The following SCFD2 variants were observed in gnomAD, a reference collection of about 807,000 sequenced individuals.
The protein encoded by SCFD2 is sec1 family domain-containing protein 2.
In SCFD2, 54 loss-of-function variants were observed where a neutral mutation model predicts 58.9. The observed-to-expected ratio is 0.92, with a 90% CI of 0.74 to 1.15. The LOEUF (loss-of-function observed/expected upper bound fraction) is 1.15, where lower values mean the gene tolerates loss of function less well. SCFD2 is among the 50% of genes most tolerant of loss of function. The pLI is 0.00. For missense variants in SCFD2, 805 were observed against 836.6 expected, an observed-to-expected ratio of 0.96 and a Z score of 0.47; for synonymous variants, 321 against 335.9, an observed-to-expected ratio of 0.96 and a Z score of 0.49.
At chr4:53,168,675 T>C (rs1224001682) in intron 4 of SCFD2, among the ~76,000 whole-genome samples, 1 of 152,214 alleles carries the variant, frequency 6.6e-6, no homozygotes, top group Non-Finnish European at 1.5e-5. Context: ...TTATGATATA[T>C]GTATAGAATG....
chr4:53,266,047 A>G (rs1322360602), intron 4 of SCFD2, among the ~76,000 whole-genome samples: 2 of 152,092 alleles, frequency 1.3e-5, no homozygotes, highest in African/African-American at 2.4e-5. Flanking sequence ...TTTAATGGGG[A>G]AAAAAAGCTT....
At chr4:53,165,440 C>T (rs570867886) in intron 4 of SCFD2, among the ~76,000 whole-genome samples, 1 of 152,240 alleles carries the variant, frequency 6.6e-6, no homozygotes, top group South Asian at 2.1e-4. Flanking sequence ...GATCATGGAG[C>T]TGTAATCTCA....
chr4:53,298,338 T>G (rs1024300998), intron 3 of SCFD2, among the ~76,000 whole-genome samples: 6 of 152,158 alleles, frequency 3.9e-5, no homozygotes, highest in Non-Finnish European at 8.8e-5. Flanking sequence ...CCATGGAGCC[T>G]CGCTCATTGC....
At chr4:53,006,589 G>C (rs149230722) in intron 5 of SCFD2, among the ~76,000 whole-genome samples, 84 of 152,328 alleles carry the variant, frequency 5.5e-4, no homozygotes, top group African/African-American at 1.9e-3. Context: ...GTTAACTGAA[G>C]CAGGTTGTTT....
chr4:52,995,181 T>C (rs1184231999), intron 5 of SCFD2, among the ~76,000 whole-genome samples: 3 of 152,194 alleles, frequency 2.0e-5, no homozygotes, highest in African/African-American at 7.2e-5. Context: ...CTTCTTTTAC[T>C]GCAACTAGAT....
intron 2 of SCFD2, among the ~76,000 whole-genome samples, chr4:53,350,861 C>T (rs185284345): frequency 1.3e-5 from 2 of 152,300 alleles, no homozygotes; most frequent in Admixed American, 6.5e-5. Flanking sequence ...AGGCACCTGC[C>T]ACCATGCCCA....
intron 4 of SCFD2, among the ~76,000 whole-genome samples, chr4:53,217,329 CGT>C (rs1452484747): frequency 6.6e-6 from 1 of 152,128 alleles, no homozygotes; most frequent in Non-Finnish European, 1.5e-5. Context: ...ACTGGGTGCC[CGT>C]GTATTGGGTG....
intron 4 of SCFD2, among the ~76,000 whole-genome samples, chr4:53,261,078 T>C (rs1334204334): frequency 2.6e-5 from 4 of 152,206 alleles, no homozygotes; most frequent in African/African-American, 9.6e-5. Context: ...ATATATCCCG[T>C]TTCATTTCTA....
At chr4:52,910,979 T>C (rs1162317324) in intron 6 of SCFD2, among the ~76,000 whole-genome samples, 2 of 152,120 alleles carry the variant, frequency 1.3e-5, no homozygotes, top group Non-Finnish European at 2.9e-5. Flanking sequence ...CTCTTTTCTT[T>C]ATAAATTACT....
intron 5 of SCFD2, among the ~76,000 whole-genome samples, chr4:53,124,048 A>C (rs1006311561): frequency 2.0e-5 from 3 of 152,184 alleles, no homozygotes; most frequent in African/African-American, 7.2e-5. Flanking sequence ...AGTCCATAGA[A>C]ATAGAATATT....
intron 3 of SCFD2, among the ~76,000 whole-genome samples, chr4:53,295,685 T>A (rs1428439181): frequency 1.3e-5 from 2 of 152,060 alleles, no homozygotes; most frequent in Non-Finnish European, 2.9e-5. Flanking sequence ...TGAAAAGGAG[T>A]GGTGAGAGAG....
intron 4 of SCFD2, among the ~76,000 whole-genome samples, chr4:53,170,085 T>A (rs1057140699): frequency 6.6e-6 from 1 of 152,192 alleles, no homozygotes; most frequent in African/African-American, 2.4e-5. Context: ...TGGGGTCAAA[T>A]ACAGAAACTC....
chr4:53,256,176 CTG>C (rs1730619600), intron 4 of SCFD2, among the ~76,000 whole-genome samples: 12 of 149,876 alleles, frequency 8.0e-5, no homozygotes, highest in South Asian at 2.1e-4. Flanking sequence ...GACGGGGCGG[CTG>C]CCGGGCGGAG....
Position 53,050,191 on chromosome 4 carries a change from C to A in SCFD2, c.1561+95142G>T, listed in dbSNP as rs1417169397. 4.6e-5 allele frequency among the ~76,000 whole-genome samples: 7 copies of A among 152,298 alleles called. No homozygotes were observed. The South Asian group carries it at 1.5e-3, about 32-fold the overall frequency. Reference sequence around the variant, plus strand: ...AGCAAATAAAAAGAAGTCTTAAAAACACCTTTAAGTACTTAAGAGAAGCAA... The same window carrying A: ...AGCAAATAAAAAGAAGTCTTAAAAAAACCTTTAAGTACTTAAGAGAAGCAA... On this transcript the variant is annotated intron_variant, in intron 5 of 8. Transcript: ENST00000401642.
intron 5 of SCFD2, among the ~76,000 whole-genome samples, chr4:53,075,988 C>T (rs1723960950): frequency 6.6e-6 from 1 of 152,086 alleles, no homozygotes; most frequent in African/African-American, 2.4e-5. Flanking sequence ...GCAATATGTG[C>T]ACAGTGCAAT....
intron 5 of SCFD2, among the ~76,000 whole-genome samples, chr4:53,115,549 C>T (rs1725295996): frequency 1.3e-5 from 2 of 152,142 alleles, no homozygotes; most frequent in Non-Finnish European, 2.9e-5. Flanking sequence ...GCAGACCTGT[C>T]ATCTCATTGG....
chr4:53,072,022 A>G (rs1723830457), intron 5 of SCFD2, among the ~76,000 whole-genome samples: 1 of 152,140 alleles, frequency 6.6e-6, no homozygotes, highest in African/African-American at 2.4e-5. Context: ...AGATCCTATT[A>G]TACCTTCAGT....
chr4:53,313,351 T>A (rs1484787511), intron 3 of SCFD2, among the ~76,000 whole-genome samples: 1 of 152,160 alleles, frequency 6.6e-6, no homozygotes, highest in Non-Finnish European at 1.5e-5. Flanking sequence ...GGAGAGGTAG[T>A]CCAGACCAAT....
intron 5 of SCFD2, among the ~76,000 whole-genome samples, chr4:53,081,413 T>C (rs1724142657): frequency 6.6e-6 from 1 of 152,156 alleles, no homozygotes; most frequent in African/African-American, 2.4e-5. Flanking sequence ...CTCCACTTTC[T>C]ACTAGTCCAC....
Sources: allele counts gnomAD v4.1 joint callset (sites outside exome capture counted in the v4.1 genomes callset), GRCh38; gene constraint gnomAD v4.1.1; transcripts MANE v1.5; gene names NCBI Gene and HGNC (gene_info 2026-07-23, HGNC 2026-07-21).